The following ABL1 variants were observed in gnomAD, a reference collection of about 807,000 sequenced individuals.
The protein encoded by ABL1 is ABL proto-oncogene 1, non-receptor tyrosine kinase, also known as tyrosine-protein kinase ABL1.
In ABL1, 11 loss-of-function variants were observed where a neutral mutation model predicts 94.7. That is an observed-to-expected ratio of 0.12 (90% CI 0.07 to 0.19). The LOEUF (loss-of-function observed/expected upper bound fraction) is 0.19, where lower values mean the gene tolerates loss of function less well. ABL1 is among the 10% of genes least tolerant of loss of function. ABL1 has a pLI of 1.00. For missense variants in ABL1, 1,082 were observed against 1,489.4 expected (o/e 0.73, Z 4.50); for synonymous variants, 656 against 622.4 (o/e 1.05, Z -0.80).
Position 130,884,651 on chromosome 9 carries a change from G to T in ABL1, c.2361G>T (p.Val787=). The T allele has an allele frequency of 6.2e-7, 1 of 1,613,230 alleles. No homozygotes were observed. Among genetic ancestry groups the T allele is most frequent in the Non-Finnish European group, 8.5e-7 (1 of 1,180,008 alleles). ...CAGTAACGCCTCCCCCCAGGCTGGT[G>T]AAAAAGAATGAGGAAGCTGCTGATG... The part of the protein sequence containing the change: ...RGTVTPPPRL[V]KKNEEAADEV... The change falls in exon 11 of 11, where the codon GTG becomes GTT. Residue 787 remains valine, a synonymous_variant. Transcript: ENST00000318560. This position sits in a 1 kb window ranked among gnomAD's most constrained non-coding sequence, Gnocchi z 5.6.
chr9:130,829,411 A>T (rs1472100270), intron 1 of ABL1, among the ~76,000 whole-genome samples: 3 of 152,064 alleles, frequency 2.0e-5, no homozygotes, highest in East Asian at 1.9e-4. Context: ...AATACAAAAA[A>T]ATTAGCAGGG....
At position 130,799,742 on chromosome 9, in the gene ABL1, A is replaced by T. The variant is rs542014802; in HGVS notation, c.137-54322A>T. On this transcript the variant is annotated intron_variant, in intron 1 of 10. Transcript: ENST00000372348. ...AAGTACCATATAATTGAAATTTGCCAATAGTAACTCCTCGGAGACTTCCAG... is the reference window on the plus strand; with the variant it reads ...AAGTACCATATAATTGAAATTTGCCTATAGTAACTCCTCGGAGACTTCCAG... 2.6e-5 allele frequency among the ~76,000 whole-genome samples: 4 copies of T among 152,350 alleles called. No individual in the cohort carries two copies. In the South Asian group the frequency reaches 6.2e-4, roughly 24 times the overall value.
intron 1 of ABL1, among the ~76,000 whole-genome samples, chr9:130,843,517 C>T (rs1295749711): frequency 6.6e-6 from 1 of 152,104 alleles, no homozygotes; most frequent in Non-Finnish European, 1.5e-5. Context: ...CAAGGCCTGT[C>T]CACCCAGAGC....
In ABL1 at chr9:130,884,995, C is replaced by T; in HGVS notation, c.2705C>T (p.Pro902Leu). 6.2e-7 allele frequency: 1 copy of T among 1,611,610 alleles called. No individual in the cohort carries two copies. The highest frequency in any genetic ancestry group is 1.1e-5 in the South Asian group (1 of 91,008). Residue 902 changes from proline to leucine, a missense_variant, in exon 11 of 11, where the codon CCA becomes CTA. Pro to Leu is a moderately conservative substitution (Grantham distance 98). Around this residue, in one of 7 missense-constraint regions of ABL1, gnomAD observed 780 missense variants for 835.8 expected, o/e 0.93. Transcript: ENST00000318560. The surrounding 1 kb of genome is among the most constrained non-coding windows in gnomAD (Gnocchi z 5.6). ...AGGCTCAAACCTGCCCCGCCGCCCC[C>T]ACCAGCAGCCTCTGCAGGGAAGGCT... ...LSRLKPAPPPPPAASAGKAGG... is the reference protein window; with the variant it reads ...LSRLKPAPPPLPAASAGKAGG...
intron 1 of ABL1, among the ~76,000 whole-genome samples, chr9:130,774,659 TAAAAAAAC>T (rs2132772267): frequency 6.6e-6 from 1 of 151,854 alleles, no homozygotes; most frequent in East Asian, 1.9e-4. Flanking sequence ...CCTCATCTGT[TAAAAAAAC>T]AAAAACAAAA....
In ABL1 at chr9:130,887,429, CT is replaced by C. The variant is rs1831606748; in HGVS notation, c.*1750del. On this transcript the variant is annotated 3_prime_UTR_variant, in exon 11 of 11. Transcript: ENST00000318560. ...GTCTCCATGAGGTACTGGTCCCTTC[CT>C]TTTGTTAACGTGATGTGCCACTATA... is the stretch of plus-strand genomic sequence containing the variant. 1 of 233,448 alleles carries C rather than the reference CT, an allele frequency of 4.3e-6. No homozygotes were observed. Among genetic ancestry groups the C allele is most frequent in the East Asian group, 6.0e-5 (1 of 16,574 alleles). The allele number at this position is 233,448 out of a possible 1,614,324, so 14.5% of individuals were successfully genotyped here.
intron 1 of ABL1, among the ~76,000 whole-genome samples, chr9:130,745,906 T>A (rs1441400785): frequency 6.7e-6 from 1 of 148,520 alleles, no homozygotes; most frequent in Non-Finnish European, 1.5e-5. Flanking sequence ...AAACCAGCCC[T>A]TCCCAGCTGT....
At chr9:130,846,691 C>T (rs1047988961) in intron 1 of ABL1, among the ~76,000 whole-genome samples, 9 of 152,222 alleles carry the variant, frequency 5.9e-5, no homozygotes, top group African/African-American at 2.2e-4. Context: ...TCCTGGAGGT[C>T]AAGTCCCCCC....
At chr9:130,850,844 A>G (rs1257535784) in intron 1 of ABL1, among the ~76,000 whole-genome samples, 1 of 152,188 alleles carries the variant, frequency 6.6e-6, no homozygotes. Context: ...CTTTGGCCCT[A>G]CAGTCAAGAC....
At position 130,847,078 on chromosome 9, in the gene ABL1, G is replaced by A. The variant is rs118022778; in HGVS notation, c.80-6986G>A. Among the ~76,000 whole-genome samples, 125 of 152,030 alleles carry A rather than the reference G, an allele frequency of 8.2e-4. 1 individual carries two copies. In the East Asian group the frequency reaches 0.021, roughly 25 times the overall value. On this transcript the variant is annotated intron_variant, in intron 1 of 10. Coordinates refer to ENST00000318560, the MANE Select transcript of ABL1 (RefSeq NM_005157.6). ...ATTTTTTAGATGTATTACTGTTCTC[G>A]GTGCTCAACTAGCTAATTAGTGATT...
At chr9:130,817,191 C>T (rs1203765910) in intron 1 of ABL1, among the ~76,000 whole-genome samples, 2 of 152,188 alleles carry the variant, frequency 1.3e-5, no homozygotes, top group African/African-American at 4.8e-5. Flanking sequence ...AAAGACTTTC[C>T]TCCCCATCTA....
At chr9:130,752,965 A>G (rs1287273886) in intron 1 of ABL1, among the ~76,000 whole-genome samples, 1 of 150,404 alleles carries the variant, frequency 6.6e-6, no homozygotes, top group Non-Finnish European at 1.5e-5. Context: ...TCTCAAAAAA[A>G]AAAAAAAAGG....
chr9:130,756,418 G>A (rs1326361011), intron 1 of ABL1, among the ~76,000 whole-genome samples: 2 of 151,880 alleles, frequency 1.3e-5, no homozygotes, highest in African/African-American at 4.8e-5. Context: ...TTTCAAATTG[G>A]CTAATTCAGT....
chr9:130,737,855 G>A lies in ABL1; in HGVS notation c.136+23400G>A, dbSNP rs576573016. ...TCTTTTTTTTTTTTTTTTTGAGACAGAGTCTCACTCTGTTGTCTAGGCCGG... is the reference window on the plus strand; with the variant it reads ...TCTTTTTTTTTTTTTTTTTGAGACAAAGTCTCACTCTGTTGTCTAGGCCGG... On this transcript the variant is annotated intron_variant, in intron 1 of 10. Coordinates refer to the ABL1 transcript ENST00000372348. 8.4e-3 allele frequency among the ~76,000 whole-genome samples: 1,210 copies of A among 144,640 alleles called. 28 individuals are homozygous for A. The highest frequency in any genetic ancestry group is 0.03 in the African/African-American group (1,181 of 39,410). 94.9% of individuals were successfully genotyped at this position (144,640 alleles called of 152,430 possible).
chr9:130,829,046 T>C (rs549460632), intron 1 of ABL1, among the ~76,000 whole-genome samples: 15 of 152,300 alleles, frequency 9.8e-5, no homozygotes, highest in African/African-American at 3.4e-4. Flanking sequence ...GGAACCAGAA[T>C]GGGATTGCAT....
At chr9:130,747,120 A>G (rs1831897782) in intron 1 of ABL1, among the ~76,000 whole-genome samples, 3 of 151,910 alleles carry the variant, frequency 2.0e-5, no homozygotes, top group Non-Finnish European at 4.4e-5. Flanking sequence ...CATGCCTGTA[A>G]TCCCAGCACT....
intron 1 of ABL1, among the ~76,000 whole-genome samples, chr9:130,716,723 C>T (rs533238100): frequency 6.6e-6 from 1 of 152,158 alleles, no homozygotes; most frequent in South Asian, 2.1e-4. Flanking sequence ...TTTTAGCTTT[C>T]CAGTGAAAAT....
At position 130,819,118 on chromosome 9, in the gene ABL1, C is replaced by T. The variant is rs57354644; in HGVS notation, c.137-34946C>T. ...CCTCTAATCCCAGCACTTTGGGAGG[C>T]CGAGGCGGTTAGATCACAAGGTCAG... On this transcript the variant is annotated intron_variant, in intron 1 of 10. Coordinates refer to the ABL1 transcript ENST00000372348. Among the ~76,000 whole-genome samples the T allele has an allele frequency of 7.8e-3, 1,195 of 152,268 alleles. 18 individuals are homozygous for T. Among genetic ancestry groups the T allele is most frequent in the African/African-American group, 0.027 (1,111 of 41,554 alleles).
chr9:130,857,521 C>T lies in ABL1; in HGVS notation c.549+2425C>T, dbSNP rs192651993. 3.3e-5 allele frequency among the ~76,000 whole-genome samples: 5 copies of T among 152,222 alleles called. No individual in the cohort carries two copies. In the East Asian group the frequency reaches 9.6e-4, roughly 29 times the overall value. On this transcript the variant is annotated intron_variant, in intron 3 of 10. Coordinates refer to ENST00000318560, the MANE Select transcript of ABL1 (RefSeq NM_005157.6). ...TGTGTATCTAGGCCTGTTGACCTCT[C>T]TGTTCTCTTCCATTGGTCTGTCTAT...
Sources: gnomAD v4.1 joint callset for allele counts (sites outside exome capture counted in the v4.1 genomes callset) on GRCh38, gnomAD v4.1.1 for gene constraint, gnomAD v4.1.1 regional missense constraint, Gnocchi (gnomAD v3.1) non-coding constraint, MANE v1.5 for transcripts, NCBI Gene and HGNC (gene_info 2026-07-23, HGNC 2026-07-21) for gene names.